Variants in SMIM35 observed in about 807,000 individuals in gnomAD.
The protein encoded by SMIM35 is TMPRSS4 antisense RNA 1 (non-protein coding).
At chr11:118,064,037 G>A (rs1310093638) in intron 1 of SMIM35, among the ~76,000 whole-genome samples, 4 of 152,160 alleles carry the variant, frequency 2.6e-5, no homozygotes, top group South Asian at 2.1e-4. Flanking sequence ...AGGGAGTTGC[G>A]GTCTTGTGGC....
intron 1 of SMIM35, among the ~76,000 whole-genome samples, chr11:118,034,657 T>C (rs1215246720): frequency 1.3e-5 from 2 of 152,216 alleles, no homozygotes; most frequent in African/African-American, 4.8e-5. Flanking sequence ...TGAGCTAAGA[T>C]TGTGCCACTG....
rs554918170 is a variant in SMIM35 at position 118,065,908 on chromosome 11, T to C, written c.7+20843A>G. Among the ~76,000 whole-genome samples the C allele has an allele frequency of 4.6e-5, 7 of 152,310 alleles. No homozygotes were observed. In the South Asian group the frequency reaches 1.2e-3, roughly 27 times the overall value. On this transcript the variant is annotated intron_variant, in intron 1 of 4. Transcript: ENST00000689828. Reference sequence around the variant, plus strand: ...TCCACTGGTAACAATCAGGGTCTGATACCTGGGATGCAGCACCCAGTGACC... The same window carrying C: ...TCCACTGGTAACAATCAGGGTCTGACACCTGGGATGCAGCACCCAGTGACC...
At chr11:118,038,209 G>A (rs1215159995) in intron 1 of SMIM35, among the ~76,000 whole-genome samples, 1 of 152,220 alleles carries the variant, frequency 6.6e-6, no homozygotes, top group African/African-American at 2.4e-5. Context: ...CAGGCTTCGG[G>A]CGTGAACTGA....
chr11:118,013,169 A>G (rs376710604), intron 4 of SMIM35, among the ~76,000 whole-genome samples: 6 of 152,258 alleles, frequency 3.9e-5, no homozygotes, highest in East Asian at 1.9e-4. Context: ...ATTCTCCACA[A>G]TGAGGGGCCA....
chr11:118,064,737 G>A (rs948620701), intron 1 of SMIM35, among the ~76,000 whole-genome samples: 8 of 151,970 alleles, frequency 5.3e-5, no homozygotes, highest in South Asian at 2.1e-4. Flanking sequence ...TCTACTTCCC[G>A]GGTCCGAGCC....
chr11:118,074,070 C>T (rs1411760716), intron 1 of SMIM35, among the ~76,000 whole-genome samples: 3 of 152,182 alleles, frequency 2.0e-5, no homozygotes, highest in Non-Finnish European at 2.9e-5. Context: ...GGATAGGCCA[C>T]TTCTTGAGGG....
intron 4 of SMIM35, among the ~76,000 whole-genome samples, chr11:118,007,519 C>T (rs769357467): frequency 6.6e-6 from 1 of 152,106 alleles, no homozygotes. Flanking sequence ...CCTCAGCCTC[C>T]CAAATAGTGG....
chr11:118,051,910 C>T (rs916965693), intron 1 of SMIM35, among the ~76,000 whole-genome samples: 6 of 151,560 alleles, frequency 4.0e-5, no homozygotes, highest in Admixed American at 6.6e-5. Context: ...ACAAGAGACA[C>T]GGGTGACGCA....
chr11:118,056,806 G>C (rs917520461), intron 1 of SMIM35, among the ~76,000 whole-genome samples: 2 of 152,196 alleles, frequency 1.3e-5, no homozygotes, highest in Non-Finnish European at 2.9e-5. Context: ...GAAGGCAAGC[G>C]AGATCATTTA....
intron 4 of SMIM35, among the ~76,000 whole-genome samples, chr11:118,009,935 G>A (rs1017002104): frequency 1.3e-5 from 2 of 152,180 alleles, no homozygotes; most frequent in African/African-American, 2.4e-5. Context: ...CTTACGCCCT[G>A]ATGTCAGCTA....
chr11:118,052,225 C>T (rs1685280666), intron 1 of SMIM35, among the ~76,000 whole-genome samples: 2 of 152,196 alleles, frequency 1.3e-5, no homozygotes, highest in African/African-American at 4.8e-5. Flanking sequence ...GCCTCCCTTT[C>T]CCCAGAGGAA....
intron 1 of SMIM35, among the ~76,000 whole-genome samples, chr11:118,054,165 T>G (rs1485813682): frequency 4.0e-5 from 4 of 100,250 alleles, no homozygotes; most frequent in South Asian, 2.8e-4. Flanking sequence ...GATTTTTTTG[T>G]TTTGTTTTTT....
At chr11:118,032,249 T>C (rs965459937) in intron 1 of SMIM35, among the ~76,000 whole-genome samples, 1 of 152,212 alleles carries the variant, frequency 6.6e-6, no homozygotes, top group African/African-American at 2.4e-5. Flanking sequence ...CTGACAAAAC[T>C]TGAGTAATGT....
chr11:118,071,246 C>A (rs537497266), intron 1 of SMIM35, among the ~76,000 whole-genome samples: 1 of 152,322 alleles, frequency 6.6e-6, no homozygotes, highest in East Asian at 1.9e-4. Context: ...AGAGGAAGGT[C>A]AGCTCCCACT....
At chr11:118,036,708 G>A (rs2058361709) in intron 1 of SMIM35, among the ~76,000 whole-genome samples, 1 of 152,218 alleles carries the variant, frequency 6.6e-6, no homozygotes, top group Admixed American at 6.5e-5. Context: ...AGCATCATGG[G>A]GCCTTTCCAT....
intron 1 of SMIM35, among the ~76,000 whole-genome samples, chr11:118,051,188 A>G (rs184147040): frequency 2.3e-4 from 35 of 152,334 alleles, no homozygotes; most frequent in African/African-American, 7.0e-4. Flanking sequence ...CCAGTTTTGT[A>G]CAGACGATGC....
At position 118,013,785 on chromosome 11, in the gene SMIM35, A is replaced by C; in HGVS notation, c.254T>G (p.Val85Gly). 2.5e-6 allele frequency: 1 copy of C among 399,026 alleles called. No homozygotes were observed. The allele number at this position is 399,026 out of a possible 1,614,324, so 24.7% of individuals were successfully genotyped here. A position where few individuals can be genotyped will look rare whatever the true frequency, so the allele number is the denominator to read the frequency against. ...TCACAAGTTGCTGTCTCTGCATCAG[A>C]CTAGCCCGTTGGAGAACTTCATGTA... ...GGYMKFSNGL[V>G] Residue 85 changes from valine (V) to glycine (G), a missense_variant, in exon 4 of 5, where the codon GTC (valine) becomes GGC (glycine). Physicochemically the swap from Val to Gly is moderately radical, Grantham distance 109. Transcript: ENST00000689828.
At chr11:118,009,387 C>T (rs1166621820) in intron 4 of SMIM35, among the ~76,000 whole-genome samples, 1 of 152,200 alleles carries the variant, frequency 6.6e-6, no homozygotes, top group African/African-American at 2.4e-5. Flanking sequence ...CTCTGGGCCT[C>T]TGTTCCCTCA....
chr11:118,014,606 C>T, intron 3 of SMIM35, 102 bp downstream of exon 3: 3 of 398,452 alleles, frequency 7.5e-6, no homozygotes, highest in Non-Finnish European at 1.3e-5. Flanking sequence ...GAACAGAAGA[C>T]AGGAAAGGGA....
Sources: allele counts gnomAD v4.1 joint callset (sites outside exome capture counted in the v4.1 genomes callset), GRCh38; gene constraint gnomAD v4.1.1; transcripts MANE v1.5; gene names NCBI Gene and HGNC (gene_info 2026-07-23, HGNC 2026-07-21).